NUTM1: variants seen among roughly 807,000 people sequenced by gnomAD.
NUTM1 encodes the protein NUT midline carcinoma family member 1, also known as NUT family member 1.
NUTM1 carries 39 observed loss-of-function variants against 88.7 expected under a neutral mutation model. The ratio of observed to expected loss-of-function variants is 0.44; its 90% CI spans 0.34 to 0.57. NUTM1 has a LOEUF of 0.57. Among genes scored for constraint, NUTM1 ranks in the 20% least tolerant of loss-of-function variants. The probability of loss-of-function intolerance (pLI) is 0.01; values close to 1 mark genes in which losing one functional copy is unlikely to be tolerated. For missense variants in NUTM1, 1,350 were observed against 1,414.5 expected (o/e 0.95, Z 0.73); for synonymous variants, 494 against 538.0 (o/e 0.92, Z 1.13).
chr15:34,355,599 G>C lies in NUTM1; in HGVS notation c.1591G>C (p.Asp531His). 1 of 1,614,088 alleles carries C rather than the reference G, an allele frequency of 6.2e-7. No individual in the cohort carries two copies. Among genetic ancestry groups the C allele is most frequent in the Non-Finnish European group, 8.5e-7 (1 of 1,179,980 alleles). Residue 531 changes from aspartate (D) to histidine (H), a missense_variant, in exon 8 of 8, where the codon GAT becomes CAT. Asp to His is a moderately conservative substitution (Grantham distance 81, BLOSUM62 -1). Around this residue, in one of 5 missense-constraint regions of NUTM1, gnomAD observed 126 missense variants for 189.8 expected, o/e 0.66. Coordinates refer to ENST00000537011, the MANE Select transcript of NUTM1 (RefSeq NM_001284292.2). This position sits in a 1 kb window ranked among gnomAD's most constrained non-coding sequence, Gnocchi z 4.3. The part of the protein sequence containing the change: ...SSPSGSVEDE[D>H]GDGRLRPSPG... Reference sequence around the variant, plus strand: ...TCCTTCTGGTTCTGTTGAGGATGAAGATGGGGATGGGCGGCTTCGGCCCTC... The same window carrying C: ...TCCTTCTGGTTCTGTTGAGGATGAACATGGGGATGGGCGGCTTCGGCCCTC...
chr15:34,349,767 A>G (rs1890673245), intron 3 of NUTM1, among the ~76,000 whole-genome samples: 1 of 152,240 alleles, frequency 6.6e-6, no homozygotes, highest in South Asian at 2.1e-4. Flanking sequence ...ATGTTCCCCC[A>G]AAGTCCTAGA....
At chr15:34,354,306 A>G in intron 5 of NUTM1, 140 bp from the exon 6 acceptor site, 7 of 973,800 alleles carry the variant, frequency 7.2e-6, no homozygotes, top group Non-Finnish European at 1.1e-5. Flanking sequence ...CTGAGCTTAC[A>G]GAGCTGGGAG....
chr15:34,357,680 C>A lies in NUTM1; in HGVS notation c.*189C>A. 9.5e-7 allele frequency: 1 copy of A among 1,053,724 alleles called. No individual in the cohort carries two copies. Among genetic ancestry groups the A allele is most frequent in the Non-Finnish European group, 1.4e-6 (1 of 691,702 alleles). The allele number at this position is 1,053,724 out of a possible 1,614,324, so 65.3% of individuals were successfully genotyped here. ...ACTGGCTAGGCTGCAGGGGGAATTA[C>A]CTTTGGAAGGAGCTATATAGAAAAA... On this transcript the variant is annotated 3_prime_UTR_variant, in exon 8 of 8. Coordinates refer to ENST00000537011, the MANE Select transcript of NUTM1 (RefSeq NM_001284292.2).
At chr15:34,349,449 G>C (rs572175608) in intron 3 of NUTM1, among the ~76,000 whole-genome samples, 2 of 152,284 alleles carry the variant, frequency 1.3e-5, no homozygotes, top group South Asian at 4.1e-4. Context: ...AGGCCATCTA[G>C]AAGAGGAAAA....
chr15:34,344,637 G>T (rs561774922), intron 1 of NUTM1, among the ~76,000 whole-genome samples: 1 of 152,266 alleles, frequency 6.6e-6, no homozygotes, highest in East Asian at 1.9e-4. Context: ...GGAGAAAGGG[G>T]TAAGGGTTGG....
chr15:34,350,911 G>A lies in NUTM1; in HGVS notation c.938+79G>A, dbSNP rs1890693293. The A allele has an allele frequency of 3.2e-6, 5 of 1,548,100 alleles. No individual in the cohort carries two copies. In the African/African-American group the frequency reaches 6.8e-5, roughly 21 times the overall value. On this transcript the variant is annotated intron_variant, in intron 4 of 7. Coordinates refer to ENST00000537011, the MANE Select transcript of NUTM1 (RefSeq NM_001284292.2). ...TAAGGGCCGCAGAGAGACTTGTGTG[G>A]GGGTGATTATCAAAAGCCATGTTAG...
At position 34,355,947 on chromosome 15, in the gene NUTM1, G is replaced by T; in HGVS notation, c.1939G>T (p.Ala647Ser). ...HCLVADRTSEALPLCWQGGFQ... is the reference protein window; with the variant it reads ...HCLVADRTSESLPLCWQGGFQ... ...CCTGGTGGCTGATAGGACTTCAGAGGCTCTGCCCCTTTGTTGGCAGGGAGG... is the reference window on the plus strand; with the variant it reads ...CCTGGTGGCTGATAGGACTTCAGAGTCTCTGCCCCTTTGTTGGCAGGGAGG... Residue 647 changes from alanine to serine, a missense_variant, in exon 8 of 8, where the codon GCT becomes TCT. By Grantham distance (99) the Ala-to-Ser change is moderately conservative. Coordinates refer to ENST00000537011, the MANE Select transcript of NUTM1 (RefSeq NM_001284292.2). This position sits in a 1 kb window ranked among gnomAD's most constrained non-coding sequence, Gnocchi z 4.3. 1.2e-6 allele frequency: 2 copies of T among 1,614,148 alleles called. No homozygotes were observed. Among genetic ancestry groups the T allele is most frequent in the Non-Finnish European group, 1.7e-6 (2 of 1,180,000 alleles).
Position 34,356,184 on chromosome 15 carries a change from G to C in NUTM1, c.2176G>C (p.Ala726Pro), listed in dbSNP as rs1449457233. Residue 726 changes from alanine to proline, a missense_variant, in exon 8 of 8, where the codon GCT becomes CCT. Physicochemically the swap from Ala to Pro is conservative, Grantham distance 27. Transcript: ENST00000537011. ...MWGDDRGTPM[A>P]QSYDQNPSPR... is the part of the protein sequence containing the mutation. ...GGGAGATGACAGAGGTACCCCCATG[G>C]CTCAGAGTTATGATCAGAATCCTTC... The C allele has an allele frequency of 1.9e-6, 3 of 1,609,900 alleles. No individual in the cohort carries two copies. The highest frequency in any genetic ancestry group is 2.5e-6 in the Non-Finnish European group (3 of 1,176,944).
At position 34,357,590 on chromosome 15, in the gene NUTM1, T is replaced by A. The variant is rs766238969; in HGVS notation, c.*99T>A. 21 of 1,598,770 alleles carry A rather than the reference T, an allele frequency of 1.3e-5. No individual in the cohort carries two copies. The highest frequency in any genetic ancestry group is 1.4e-5 in the Non-Finnish European group (17 of 1,176,754). ...TGCCCACCAATGGAGAATCCCAATG[T>A]TGAATCTCATCCCAATGTTGTTTTG... On this transcript the variant is annotated 3_prime_UTR_variant, in exon 8 of 8. Transcript: ENST00000537011.
chr15:34,348,749 GT>G (rs1351259775), intron 3 of NUTM1, 72 bp downstream of exon 3: 2 of 1,058,506 alleles, frequency 1.9e-6, no homozygotes, highest in Non-Finnish European at 2.8e-6. Context: ...GAACATAGTA[GT>G]TTAGGCTGTT....
Position 34,356,630 on chromosome 15 carries a change from T to C in NUTM1, c.2622T>C (p.Ser874=), listed in dbSNP as rs1245792337. 1 of 1,613,842 alleles carries C rather than the reference T, an allele frequency of 6.2e-7. No homozygotes were observed. The highest frequency in any genetic ancestry group is 1.1e-5 in the South Asian group (1 of 91,064). The part of the protein sequence containing the change: ...WAEGCFPLLE[S]GDSTLGSSKE... Reference sequence around the variant, plus strand: ...AAGGTTGCTTCCCATTGCTAGAAAGTGGTGATTCCACACTGGGGTCTTCCA... The same window carrying C: ...AAGGTTGCTTCCCATTGCTAGAAAGCGGTGATTCCACACTGGGGTCTTCCA... The change falls in exon 8 of 8, where the codon AGT becomes AGC. Residue 874 remains serine (S), a synonymous_variant. Transcript: ENST00000537011.
chr15:34,355,581 G>A lies in NUTM1; in HGVS notation c.1573G>A (p.Gly525Ser), dbSNP rs187724721. ...SGAQLDSSPS[G>S]SVEDEDGDGR... is the part of the protein sequence containing the mutation. ...CGCTCAGTTGGACTCAAGTCCTTCT[G>A]GTTCTGTTGAGGATGAAGATGGGGA... The change falls in exon 8 of 8, where the codon GGT becomes AGT. Residue 525 changes from glycine (G) to serine (S), a missense_variant. Gly to Ser is a moderately conservative substitution (Grantham distance 56, BLOSUM62 0). Around this residue, in one of 5 missense-constraint regions of NUTM1, gnomAD observed 126 missense variants for 189.8 expected, o/e 0.66. Transcript: ENST00000537011. This position sits in a 1 kb window ranked among gnomAD's most constrained non-coding sequence, Gnocchi z 4.3. The A allele has an allele frequency of 6.2e-7, 1 of 1,614,176 alleles. No homozygotes were observed. Among genetic ancestry groups the A allele is most frequent in the African/African-American group, 1.3e-5 (1 of 75,060 alleles).
intron 4 of NUTM1, among the ~76,000 whole-genome samples, chr15:34,351,295 C>T (rs941709507): frequency 7.0e-6 from 1 of 143,646 alleles, no homozygotes; most frequent in African/African-American, 2.6e-5. Flanking sequence ...TGCTTGTAGT[C>T]CCAGCTACTC....
In NUTM1 at chr15:34,354,303, TAC is replaced by T. The variant is rs1890759233; in HGVS notation, c.1076-141_1076-140del. 8.3e-6 allele frequency: 8 copies of T among 958,830 alleles called. No individual in the cohort carries two copies. The Admixed American group carries it at 1.8e-4, about 22-fold the overall frequency. 59.4% of individuals were successfully genotyped at this position (958,830 alleles called of 1,614,324 possible). ...TTCAATGTACCCAGATTGCTGAGCT[TAC>T]AGAGCTGGGAGGCAGAAGCTGTGGT... On this transcript the variant is annotated intron_variant, in intron 5 of 7. Coordinates refer to ENST00000537011, the MANE Select transcript of NUTM1 (RefSeq NM_001284292.2).
chr15:34,347,727 T>C (rs538372557), intron 2 of NUTM1, among the ~76,000 whole-genome samples: 18 of 151,908 alleles, frequency 1.2e-4, no homozygotes, highest in Non-Finnish European at 1.6e-4. Flanking sequence ...GTGGTGGGCG[T>C]CTGTAGTCCC....
At chr15:34,351,175 C>T (rs1890700881) in intron 4 of NUTM1, among the ~76,000 whole-genome samples, 1 of 123,768 alleles carries the variant, frequency 8.1e-6, no homozygotes, top group South Asian at 2.8e-4. Flanking sequence ...TTGCTGTGAG[C>T]CAAGATCATG....
Position 34,354,728 on chromosome 15 carries a change from C to T in NUTM1, c.1358C>T (p.Ser453Phe). The T allele has an allele frequency of 6.2e-7, 1 of 1,614,046 alleles. No individual in the cohort carries two copies. The highest frequency in any genetic ancestry group is 8.5e-7 in the Non-Finnish European group (1 of 1,180,002). Residue 453 changes from serine (S) to phenylalanine (F), a missense_variant, in exon 6 of 8, where the codon TCC becomes TTC. Transcript: ENST00000537011. ...NELCSQKVFV[S>F]KVEAVIHPQF... The stretch of plus-strand genomic sequence containing the variant: ...CTGTGTTCTCAGAAGGTCTTTGTCT[C>T]CAAGGTGAGCTGGGCCTGCACATCT...
chr15:34,350,587 G>A (rs1484860878), intron 3 of NUTM1, 117 bp from the exon 4 acceptor site: 2 of 1,265,716 alleles, frequency 1.6e-6, no homozygotes, highest in Non-Finnish European at 2.2e-6. Flanking sequence ...GACACGACAG[G>A]CCCTAAGGGG....
intron 5 of NUTM1, among the ~76,000 whole-genome samples, 190 bp downstream of exon 5, chr15:34,354,062 G>T (rs890810177): frequency 6.6e-6 from 1 of 152,130 alleles, no homozygotes; most frequent in Non-Finnish European, 1.5e-5. Flanking sequence ...CCTGAACTAG[G>T]TATTGATCTT....
Sources: allele counts gnomAD v4.1 joint callset (sites outside exome capture counted in the v4.1 genomes callset), GRCh38; gene constraint gnomAD v4.1.1; regional missense constraint gnomAD v4.1.1; non-coding constraint Gnocchi (gnomAD v3.1); transcripts MANE v1.5; gene names NCBI Gene and HGNC (gene_info 2026-07-23, HGNC 2026-07-21).